Variants in ZNF438 observed in about 807,000 individuals in gnomAD.
ZNF438 encodes zinc finger protein 438.
In ZNF438, 25 loss-of-function variants were observed where a neutral mutation model predicts 38.0. That is an observed-to-expected ratio of 0.66 (90% CI 0.48 to 0.92). The LOEUF (loss-of-function observed/expected upper bound fraction) is 0.92, where lower values mean the gene tolerates loss of function less well. ZNF438 is among the 40% of genes least tolerant of loss of function. The probability of loss-of-function intolerance (pLI) is 0.00; values close to 1 mark genes in which losing one functional copy is unlikely to be tolerated. For missense variants in ZNF438, 1,007 were observed against 999.6 expected, an observed-to-expected ratio of 1.01 and a Z score of -0.10; for synonymous variants, 372 against 364.1, an observed-to-expected ratio of 1.02 and a Z score of -0.25.
At chr10:31,026,848 C>A (rs2056976617) in intron 1 of ZNF438, among the ~76,000 whole-genome samples, 1 of 152,088 alleles carries the variant, frequency 6.6e-6, no homozygotes, top group African/African-American at 2.4e-5. Flanking sequence ...ACCCAAATGT[C>A]CATCAATGAT....
At chr10:30,903,981 C>G (rs1267768472) in intron 3 of ZNF438, among the ~76,000 whole-genome samples, 1 of 142,886 alleles carries the variant, frequency 7.0e-6, no homozygotes, top group East Asian at 2.0e-4. Context: ...ACTTTAGTAA[C>G]AGCACAACAA....
intron 2 of ZNF438, among the ~76,000 whole-genome samples, chr10:30,922,262 C>A (rs1021334785): frequency 6.6e-6 from 1 of 152,184 alleles, no homozygotes; most frequent in African/African-American, 2.4e-5. Context: ...CCAGGCAACA[C>A]ATGGTAAGGC....
chr10:30,931,748 C>T lies in ZNF438; in HGVS notation c.-115+9827G>A, dbSNP rs1406454722. Among the ~76,000 whole-genome samples the T allele has an allele frequency of 5.9e-5, 9 of 152,312 alleles. No individual in the cohort carries two copies. The East Asian group carries it at 9.6e-4, about 16-fold the overall frequency. On this transcript the variant is annotated intron_variant, in intron 2 of 5. Coordinates refer to ENST00000413025, the Ensembl canonical transcript of ZNF438. Reference sequence around the variant, plus strand: ...GTCAAACATTCTTGCCAATTCTTTACACCTTCTCTATCAGAGCTCTCAGAT... The same window carrying T: ...GTCAAACATTCTTGCCAATTCTTTATACCTTCTCTATCAGAGCTCTCAGAT...
At position 30,992,295 on chromosome 10, in the gene ZNF438, C is replaced by T. The variant is rs372634530; in HGVS notation, c.-192+39538G>A. Reference sequence around the variant, plus strand: ...AAGAAGTGGCTTTGGAACTGGGTAACGGGTAGAAGCTGGAAGACTGTGGAG... The same window carrying T: ...AAGAAGTGGCTTTGGAACTGGGTAATGGGTAGAAGCTGGAAGACTGTGGAG... On this transcript the variant is annotated intron_variant, in intron 1 of 5. Coordinates refer to ENST00000413025, the Ensembl canonical transcript of ZNF438. Among the ~76,000 whole-genome samples, 23 of 151,968 alleles carry T rather than the reference C, an allele frequency of 1.5e-4. No homozygotes were observed. The East Asian group carries it at 2.1e-3, about 14-fold the overall frequency.
chr10:30,895,188 G>T lies in ZNF438; in HGVS notation c.-32+13745C>A, dbSNP rs146721799. 3.2e-3 allele frequency among the ~76,000 whole-genome samples: 494 copies of T among 152,180 alleles called. 6 individuals are homozygous for T. The East Asian group carries it at 0.035, about 11-fold the overall frequency. On this transcript the variant is annotated intron_variant, in intron 3 of 5. Transcript: ENST00000413025. Reference sequence around the variant, plus strand: ...ACTAGGTGTGCTTTCCTCTTCCTTTGTTTTCCTATATTTGCCCATGTCCCC... The same window carrying T: ...ACTAGGTGTGCTTTCCTCTTCCTTTTTTTTCCTATATTTGCCCATGTCCCC...
chr10:30,967,183 T>C (rs2050214301), intron 1 of ZNF438, among the ~76,000 whole-genome samples: 1 of 152,208 alleles, frequency 6.6e-6, no homozygotes, highest in Non-Finnish European at 1.5e-5. Flanking sequence ...TCTAAAACTT[T>C]AGAGGAAAAG....
At chr10:31,017,837 G>A (rs930980765) in intron 1 of ZNF438, among the ~76,000 whole-genome samples, 4 of 152,138 alleles carry the variant, frequency 2.6e-5, no homozygotes, top group East Asian at 1.9e-4. Context: ...AAAGTAACAC[G>A]TACCACTTCC....
chr10:31,032,130 G>A (rs556509725), upstream of ZNF438, among the ~76,000 whole-genome samples: 1 of 152,374 alleles, frequency 6.6e-6, no homozygotes, highest in South Asian at 2.1e-4. Context: ...CTGAAGTCGG[G>A]GTTAGAGGAG....
At chr10:30,859,990 C>T (rs2035308832) in intron 4 of ZNF438, among the ~76,000 whole-genome samples, 1 of 152,036 alleles carries the variant, frequency 6.6e-6, no homozygotes, top group Non-Finnish European at 1.5e-5. Flanking sequence ...GCCCTTCTGT[C>T]CCTGGCCCTT....
intron 3 of ZNF438, among the ~76,000 whole-genome samples, chr10:30,893,053 T>A (rs2040890121): frequency 6.6e-6 from 1 of 152,190 alleles, no homozygotes; most frequent in African/African-American, 2.4e-5. Context: ...AAGAAATTTC[T>A]GGGTTGACTT....
intron 1 of ZNF438, among the ~76,000 whole-genome samples, chr10:30,972,506 T>C (rs749773026): frequency 2.0e-5 from 3 of 152,206 alleles, no homozygotes; most frequent in Non-Finnish European, 4.4e-5. Flanking sequence ...TTTTAGCCAA[T>C]AAAGTGTGTA....
chr10:30,857,838 C>T, intron 4 of ZNF438: 1 of 1,146,054 alleles, frequency 8.7e-7, no homozygotes, highest in Non-Finnish European at 1.1e-6. Flanking sequence ...CTCAATAGCA[C>T]TAGGTGCCAA....
chr10:30,898,234 C>T (rs561972719), intron 3 of ZNF438, among the ~76,000 whole-genome samples: 117 of 152,148 alleles, frequency 7.7e-4, no homozygotes, highest in Non-Finnish European at 1.5e-3. Context: ...AATGTTCTAC[C>T]TTACAGAATA....
chr10:30,852,739 G>GT (rs2033895480), intron 4 of ZNF438, among the ~76,000 whole-genome samples: 1 of 152,220 alleles, frequency 6.6e-6, no homozygotes, highest in African/African-American at 2.4e-5. Context: ...ACAAGGACTA[G>GT]TGAGTGCTAT....
intron 3 of ZNF438, among the ~76,000 whole-genome samples, chr10:30,905,276 A>G (rs1026568722): frequency 6.6e-6 from 1 of 152,156 alleles, no homozygotes; most frequent in African/African-American, 2.4e-5. Flanking sequence ...ATCCTCACTA[A>G]TACTTGTTTT....
intron 1 of ZNF438, among the ~76,000 whole-genome samples, chr10:30,948,943 A>G (rs1357641152): frequency 6.6e-6 from 1 of 152,146 alleles, no homozygotes; most frequent in Non-Finnish European, 1.5e-5. Flanking sequence ...CAAGACACAT[A>G]ATTGTCAGAT....
chr10:30,948,185 G>A (rs145795787), intron 1 of ZNF438, among the ~76,000 whole-genome samples: 1,757 of 152,248 alleles, frequency 0.012, 30 homozygotes, highest in African/African-American at 0.039. Context: ...TGCAGCTGAG[G>A]GGTCCTGTCT....
At chr10:30,854,390 G>T (rs1044400755) in intron 4 of ZNF438, among the ~76,000 whole-genome samples, 5 of 152,150 alleles carry the variant, frequency 3.3e-5, no homozygotes, top group African/African-American at 1.2e-4. Context: ...CAGGGAGTTG[G>T]TCTGTGTCTT....
rs1391325001 is a variant in ZNF438 at position 30,871,540 on chromosome 10, C to G, written c.37+5458G>C. On this transcript the variant is annotated intron_variant, in intron 4 of 5. Coordinates refer to ENST00000413025, the Ensembl canonical transcript of ZNF438. ...AGTCCAAAATAAGTAAGGTCTTTTCCTCAAACTTTAAGAATGATATGAGTA... is the reference window on the plus strand; with the variant it reads ...AGTCCAAAATAAGTAAGGTCTTTTCGTCAAACTTTAAGAATGATATGAGTA... 1.3e-5 allele frequency among the ~76,000 whole-genome samples: 2 copies of G among 152,078 alleles called. 1 individual carries two copies. The highest frequency in any genetic ancestry group is 3.9e-4 in the East Asian group (2 of 5,186).
Sources: gnomAD v4.1 joint callset for allele counts (sites outside exome capture counted in the v4.1 genomes callset) on GRCh38, gnomAD v4.1.1 for gene constraint, MANE v1.5 for transcripts, NCBI Gene and HGNC (gene_info 2026-07-23, HGNC 2026-07-21) for gene names.